NRXN2: variants seen among roughly 807,000 people sequenced by gnomAD.
NRXN2 encodes neurexin-2-beta.
A neutral mutation model predicts 128.8 loss-of-function variants in NRXN2; 29 were observed. The ratio of observed to expected loss-of-function variants is 0.23; its 90% CI spans 0.17 to 0.31. NRXN2 has a LOEUF of 0.31. NRXN2 is among the 10% of genes least tolerant of loss of function. The probability of loss-of-function intolerance (pLI) is 1.00; values close to 1 mark genes in which losing one functional copy is unlikely to be tolerated. For synonymous variants in NRXN2, 1,098 were observed against 1,075.2 expected (o/e 1.02, Z -0.41); for missense variants, 1,881 against 2,452.6 (o/e 0.77, Z 4.92).
chr11:64,667,410 G>A lies in NRXN2; in HGVS notation c.1638C>T (p.Ser546=). The A allele has an allele frequency of 2.5e-6, 4 of 1,614,218 alleles. No individual in the cohort carries two copies. Among genetic ancestry groups the A allele is most frequent in the Non-Finnish European group, 3.4e-6 (4 of 1,180,044 alleles). The change falls in exon 9 of 23, where the codon AGC becomes AGT. Residue 546 remains serine (S), a synonymous_variant. Transcript: ENST00000265459. This position sits in a 1 kb window ranked among gnomAD's most constrained non-coding sequence, Gnocchi z 5.6. ...CAAAGTAGTCGGCCCGCTGAGCAGA[G>A]CTGTGGCTGCCAGCTCCACCCCCAG... is the stretch of plus-strand genomic sequence containing the variant. ...RRAGGGAGSH[S]SAQRADYFAM... is the part of the protein sequence containing the mutation.
At chr11:64,703,821 T>C (rs1347582491) in intron 2 of NRXN2, among the ~76,000 whole-genome samples, 1 of 152,220 alleles carries the variant, frequency 6.6e-6, no homozygotes, top group Non-Finnish European at 1.5e-5. Flanking sequence ...GAATAGTGCC[T>C]GGATTGTAAA....
chr11:64,696,359 C>G (rs535773337), intron 3 of NRXN2, among the ~76,000 whole-genome samples: 63 of 152,184 alleles, frequency 4.1e-4, no homozygotes, highest in African/African-American at 1.4e-3. Flanking sequence ...GAAATGTGGG[C>G]CACACCACAT....
chr11:64,668,660 A>G, intron 7 of NRXN2, 56 bp from the exon 8 acceptor site: 1 of 1,602,556 alleles, frequency 6.2e-7, no homozygotes, highest in Non-Finnish European at 8.5e-7. Flanking sequence ...TCAAATCCCT[A>G]GGAAGAGCTA....
chr11:64,642,850 G>A, intron 17 of NRXN2: 2 of 1,062,804 alleles, frequency 1.9e-6, no homozygotes, highest in Non-Finnish European at 2.3e-6. Flanking sequence ...CGGGGGCGGG[G>A]ACGCGGGGCT....
intron 18 of NRXN2, among the ~76,000 whole-genome samples, chr11:64,634,661 CAA>C (rs139715143): frequency 0.1 from 15,524 of 151,856 alleles, 1,146 homozygotes; most frequent in East Asian, 0.29. Context: ...GGGGCTGGGC[CAA>C]GAGGTCAGTG....
intron 7 of NRXN2, chr11:64,676,434 G>T: frequency 6.1e-6 from 1 of 164,944 alleles, no homozygotes; most frequent in Admixed American, 5.8e-5. Flanking sequence ...CCACCCCTGG[G>T]AACCCACCCC....
chr11:64,718,606 G>A (rs988535723), intron 1 of NRXN2, among the ~76,000 whole-genome samples: 2 of 152,198 alleles, frequency 1.3e-5, no homozygotes, highest in African/African-American at 4.8e-5. Flanking sequence ...CCCCGTCTGT[G>A]GGGGTGTTCG....
At chr11:64,686,027 C>G (rs924161335) in intron 5 of NRXN2, 80 bp from the exon 6 acceptor site, 1 of 1,509,618 alleles carries the variant, frequency 6.6e-7, no homozygotes. Context: ...CCTCCAGCAA[C>G]GCAGGCACTG....
In NRXN2 at chr11:64,635,356, A is replaced by G; in HGVS notation, c.3500T>C (p.Val1167Ala). The change falls in exon 18 of 23, where the codon GTG becomes GCG. Residue 1167 changes from valine (V) to alanine (A), a missense_variant. Transcript: ENST00000265459. This position sits in a 1 kb window ranked among gnomAD's most constrained non-coding sequence, Gnocchi z 4.8. ...GCTCCGCTGGTGGGTGCTGAAGCCCACGGCCAGGCGATCCATCCTCGTGCT... is the reference window on the plus strand; with the variant it reads ...GCTCCGCTGGTGGGTGCTGAAGCCCGCGGCCAGGCGATCCATCCTCGTGCT... ...RPSTRMDRLAVGFSTHQRSAV... is the reference protein window; with the variant it reads ...RPSTRMDRLAAGFSTHQRSAV... The G allele has an allele frequency of 6.2e-7, 1 of 1,613,644 alleles. No homozygotes were observed. Among genetic ancestry groups the G allele is most frequent in the Non-Finnish European group, 8.5e-7 (1 of 1,180,018 alleles).
In NRXN2 at chr11:64,630,360, C is replaced by G. The variant is rs754507358; in HGVS notation, c.3757+42G>C. On this transcript the variant is annotated intron_variant, in intron 19 of 22. Transcript: ENST00000265459. The surrounding 1 kb of genome is among the most constrained non-coding windows in gnomAD (Gnocchi z 4.6). ...CGCACTCCTATCAGAGGCCGCCACC[C>G]GCCCCGCCACCGCGCCTCCTCCGCG... 6.3e-7 allele frequency: 1 copy of G among 1,583,278 alleles called. No individual in the cohort carries two copies. Among genetic ancestry groups the G allele is most frequent in the East Asian group, 2.3e-5 (1 of 44,102 alleles).
rs757510360 is a variant in NRXN2 at position 64,651,211 on chromosome 11, AG to A, written c.2918+43del. ...GAGCTGTATGTGGTTCAGCAGGGGG[AG>A]GGGGCCACCTCCTTGACAGCAGTGC... On this transcript the variant is annotated intron_variant, in intron 14 of 22. Coordinates refer to ENST00000265459, the MANE Select transcript of NRXN2 (RefSeq NM_015080.4). This position sits in a 1 kb window ranked among gnomAD's most constrained non-coding sequence, Gnocchi z 5.9. The A allele has an allele frequency of 3.0e-5, 48 of 1,611,056 alleles. No individual in the cohort carries two copies. In the African/African-American group the frequency reaches 6.3e-4, roughly 21 times the overall value.
At chr11:64,688,753 G>C (rs2053432805) in intron 5 of NRXN2, 1 of 985,254 alleles carries the variant, frequency 1.0e-6, no homozygotes, top group Admixed American at 6.1e-5. Flanking sequence ...AATGTGGCTA[G>C]AGACTAGTTG....
intron 2 of NRXN2, among the ~76,000 whole-genome samples, chr11:64,712,421 C>A (rs1452003324): frequency 6.6e-6 from 1 of 151,396 alleles, no homozygotes; most frequent in Non-Finnish European, 1.5e-5. Flanking sequence ...CAGCCCCTCA[C>A]GGCCTCACAC....
chr11:64,693,290 G>A (rs1266805939), intron 3 of NRXN2, among the ~76,000 whole-genome samples: 1 of 150,904 alleles, frequency 6.6e-6, no homozygotes, highest in Non-Finnish European at 1.5e-5. Flanking sequence ...GGCTAGGAGG[G>A]TTGCTTTTTC....
intron 22 of NRXN2, among the ~76,000 whole-genome samples, chr11:64,618,760 G>A (rs908567493): frequency 6.6e-6 from 1 of 152,172 alleles, no homozygotes; most frequent in Admixed American, 6.5e-5. Context: ...GACCCAGAAA[G>A]CACAGGCCCT....
chr11:64,704,647 G>C (rs1298899625), intron 2 of NRXN2, among the ~76,000 whole-genome samples: 10 of 151,056 alleles, frequency 6.6e-5, no homozygotes, highest in East Asian at 1.9e-4. Flanking sequence ...GAGAGAGAGA[G>C]AGAGAGAGAG....
At chr11:64,649,804 G>A (rs2047209261) in intron 15 of NRXN2, among the ~76,000 whole-genome samples, 1 of 152,128 alleles carries the variant, frequency 6.6e-6, no homozygotes, top group South Asian at 2.1e-4. Flanking sequence ...GCCCTCAGTA[G>A]GCTCTGGAGA....
At chr11:64,619,900 G>A (rs2042057939) in intron 22 of NRXN2, among the ~76,000 whole-genome samples, 1 of 152,134 alleles carries the variant, frequency 6.6e-6, no homozygotes. Flanking sequence ...AGGCCTCAGG[G>A]GCAGGTGGGA....
intron 12 of NRXN2, 57 bp downstream of exon 12, chr11:64,653,639 A>T: frequency 6.6e-7 from 1 of 1,518,812 alleles, no homozygotes; most frequent in Non-Finnish European, 9.0e-7. Context: ...CCTAAATCCC[A>T]GCGTCCAGCA....
Sources: allele counts gnomAD v4.1 joint callset (sites outside exome capture counted in the v4.1 genomes callset), GRCh38; gene constraint gnomAD v4.1.1; non-coding constraint Gnocchi (gnomAD v3.1); transcripts MANE v1.5; gene names NCBI Gene and HGNC (gene_info 2026-07-23, HGNC 2026-07-21).